VAT1L: variants seen among roughly 807,000 people sequenced by gnomAD.
VAT1L encodes the protein putative NADPH-dependent quinone oxidoreductase VAT1L.
In VAT1L, 34 loss-of-function variants were observed where a neutral mutation model predicts 44.1. That is an observed-to-expected ratio of 0.77 (90% CI 0.59 to 1.03). The LOEUF (loss-of-function observed/expected upper bound fraction) is 1.03, where lower values mean the gene tolerates loss of function less well. Among genes scored for constraint, VAT1L ranks in the 50% least tolerant of loss-of-function variants. The pLI, the probability that VAT1L is intolerant of heterozygous loss-of-function variation, is 0.00. For missense variants in VAT1L, 615 were observed against 538.8 expected, an observed-to-expected ratio of 1.14 and a Z score of -1.40; for synonymous variants, 253 against 202.2, an observed-to-expected ratio of 1.25 and a Z score of -2.13.
intron 7 of VAT1L, among the ~76,000 whole-genome samples, chr16:77,969,780 A>C (rs1011298270): frequency 2.0e-5 from 3 of 152,122 alleles, no homozygotes. Context: ...GCTACAATAT[A>C]TGAAGATTCC....
intron 1 of VAT1L, among the ~76,000 whole-genome samples, chr16:77,799,548 TGTGTG>T: frequency 9.8e-6 from 1 of 102,388 alleles, no homozygotes; most frequent in African/African-American, 3.2e-5. Flanking sequence ...TGTGTGTGTG[TGTGTG>T]TGTGGTGTGT....
At chr16:77,960,721 C>A (rs115089223) in intron 7 of VAT1L, among the ~76,000 whole-genome samples, 1 of 152,046 alleles carries the variant, frequency 6.6e-6, no homozygotes, top group Non-Finnish European at 1.5e-5. Flanking sequence ...AGTGGAGGAA[C>A]CCCCTATTGA....
In VAT1L at chr16:77,788,708, C is replaced by A. The variant is rs952926020; in HGVS notation, c.26C>A (p.Ala9Glu). 3.2e-6 allele frequency: 5 copies of A among 1,553,470 alleles called. No individual in the cohort carries two copies. The Admixed American group carries it at 9.8e-5, about 30-fold the overall frequency. Residue 9 changes from alanine (A) to glutamate (E), a missense_variant, in exon 1 of 9, where the codon GCG becomes GAG. Ala to Glu is a moderately radical substitution (Grantham distance 107). Coordinates refer to ENST00000302536, the MANE Select transcript of VAT1L (RefSeq NM_020927.3). ...ATGGCCAAGGAAGGCGTGGAGAAGG[C>A]GGAGGAGACGGAGCAAATGATCGAG... The part of the protein sequence containing the change: MAKEGVEK[A>E]EETEQMIEKE...
rs1465247588 is a variant in VAT1L at position 77,905,186 on chromosome 16, T to C, written c.1077+20384T>C. On this transcript the variant is annotated intron_variant, in intron 7 of 8. Coordinates refer to ENST00000302536, the MANE Select transcript of VAT1L (RefSeq NM_020927.3). ...TCTTGTTGGCAACCTGTAAAGAAAA[T>C]TGAATGTTTTAGATGCACCAAATCT... Among the ~76,000 whole-genome samples the C allele has an allele frequency of 3.3e-5, 5 of 152,292 alleles. No individual in the cohort carries two copies. In the South Asian group the frequency reaches 8.3e-4, roughly 25 times the overall value.
intron 7 of VAT1L, among the ~76,000 whole-genome samples, chr16:77,952,003 A>G (rs1222092726): frequency 6.6e-6 from 1 of 152,148 alleles, no homozygotes; most frequent in Non-Finnish European, 1.5e-5. Context: ...TTCAGGAAGA[A>G]GGCAGGTGAG....
chr16:77,858,538 C>CT (rs2016884195), intron 3 of VAT1L, among the ~76,000 whole-genome samples: 1 of 152,142 alleles, frequency 6.6e-6, no homozygotes, highest in Non-Finnish European at 1.5e-5. Context: ...TCACAGTAAA[C>CT]CTAGACTGTG....
Position 77,884,863 on chromosome 16 carries a change from C to T in VAT1L, c.1077+61C>T. ...TCTTTTTAACTCAGGAAGGTTTGGG[C>T]AGCCAAATACAATCTTCTACTAAAT... On this transcript the variant is annotated intron_variant, in intron 7 of 8. Coordinates refer to ENST00000302536, the MANE Select transcript of VAT1L (RefSeq NM_020927.3). The surrounding 1 kb of genome is among the most constrained non-coding windows in gnomAD (Gnocchi z 4.5). The T allele has an allele frequency of 7.1e-7, 1 of 1,408,152 alleles. No homozygotes were observed. The highest frequency in any genetic ancestry group is 2.8e-5 in the East Asian group (1 of 35,940). The allele number at this position is 1,408,152 out of a possible 1,614,324, so 87.2% of individuals were successfully genotyped here. A position where few individuals can be genotyped will look rare whatever the true frequency, so the allele number is the denominator to read the frequency against.
intron 7 of VAT1L, among the ~76,000 whole-genome samples, chr16:77,955,139 G>A (rs2018088374): frequency 6.6e-6 from 1 of 152,184 alleles, no homozygotes; most frequent in African/African-American, 2.4e-5. Context: ...TGTGGATACT[G>A]AGATGGGGCA....
At chr16:77,867,747 T>G (rs539381106) in intron 4 of VAT1L, among the ~76,000 whole-genome samples, 61 of 151,798 alleles carry the variant, frequency 4.0e-4, no homozygotes, top group African/African-American at 1.2e-3. Flanking sequence ...TAATCCCAGC[T>G]ACTCAGGTGG....
At chr16:77,823,979 T>A (rs2016489441) in intron 2 of VAT1L, among the ~76,000 whole-genome samples, 1 of 151,978 alleles carries the variant, frequency 6.6e-6, no homozygotes, top group African/African-American at 2.4e-5. Context: ...GCTGAGATCG[T>A]GCCATTGCAC....
chr16:77,941,917 C>G (rs146957044), intron 7 of VAT1L, among the ~76,000 whole-genome samples: 10 of 152,264 alleles, frequency 6.6e-5, no homozygotes, highest in African/African-American at 2.4e-4. Flanking sequence ...AATGGTTGAG[C>G]TAATTTACAC....
chr16:77,789,211 C>G (rs1264556187), intron 1 of VAT1L, among the ~76,000 whole-genome samples: 1 of 152,160 alleles, frequency 6.6e-6, no homozygotes, highest in Non-Finnish European at 1.5e-5. Flanking sequence ...AGTTCTCCGT[C>G]TGAGAGGACA....
At chr16:77,831,920 A>G (rs1281752723) in intron 3 of VAT1L, among the ~76,000 whole-genome samples, 3 of 149,570 alleles carry the variant, frequency 2.0e-5, no homozygotes, top group African/African-American at 7.4e-5. Flanking sequence ...GCTTCAATCG[A>G]TTCTCCTGCC....
At chr16:77,880,308 C>T (rs551156348) in intron 6 of VAT1L, among the ~76,000 whole-genome samples, 57 of 152,158 alleles carry the variant, frequency 3.7e-4, no homozygotes, top group South Asian at 4.2e-4. Flanking sequence ...AGGTGTGTGC[C>T]ACTATACCCA....
rs778133458 is a variant in VAT1L at position 77,862,795 on chromosome 16, C to G, written c.627C>G (p.Val209=). The part of the protein sequence containing the change: ...QLCSTVPNVT[V]FGTASTFKHE... ...GTTCCACTGTCCCCAACGTGACTGT[C>G]TTTGGAACAGCCTCTACTTTCAAGC... is the stretch of plus-strand genomic sequence containing the variant. Residue 209 remains valine, a synonymous_variant, in exon 4 of 9, where the codon GTC becomes GTG. Transcript: ENST00000302536. The G allele has an allele frequency of 6.8e-6, 11 of 1,614,046 alleles. No individual in the cohort carries two copies. Among genetic ancestry groups the G allele is most frequent in the Non-Finnish European group, 9.3e-6 (11 of 1,180,012 alleles).
At chr16:77,923,222 G>A (rs887262565) in intron 7 of VAT1L, among the ~76,000 whole-genome samples, 1 of 152,184 alleles carries the variant, frequency 6.6e-6, no homozygotes, top group South Asian at 2.1e-4. Flanking sequence ...AGGCCAAGGT[G>A]GGTGGATCAT....
chr16:77,834,949 G>A (rs901261685), intron 3 of VAT1L, among the ~76,000 whole-genome samples: 3 of 152,184 alleles, frequency 2.0e-5, no homozygotes, highest in Non-Finnish European at 4.4e-5. Context: ...ATGAGCTGAT[G>A]CTTGGGAGAC....
chr16:77,841,486 C>T (rs2145259958), intron 3 of VAT1L, among the ~76,000 whole-genome samples: 1 of 152,320 alleles, frequency 6.6e-6, no homozygotes, highest in South Asian at 2.1e-4. Context: ...TTACACATGA[C>T]AGATTGTCAC....
chr16:77,793,693 G>C (rs903941315), intron 1 of VAT1L, among the ~76,000 whole-genome samples: 1 of 152,160 alleles, frequency 6.6e-6, no homozygotes, highest in Non-Finnish European at 1.5e-5. Context: ...ACACCAAGAG[G>C]CTACATGAAA....
Sources: gnomAD v4.1 joint callset for allele counts (sites outside exome capture counted in the v4.1 genomes callset) on GRCh38, gnomAD v4.1.1 for gene constraint, Gnocchi (gnomAD v3.1) non-coding constraint, MANE v1.5 for transcripts, NCBI Gene and HGNC (gene_info 2026-07-23, HGNC 2026-07-21) for gene names.